The following GPAM variants were observed in gnomAD, a reference collection of about 807,000 sequenced individuals.
The protein encoded by GPAM is glycerol-3-phosphate acyltransferase, mitochondrial.
GPAM carries 56 observed loss-of-function variants against 105.0 expected under a neutral mutation model. That is an observed-to-expected ratio of 0.53 (90% CI 0.43 to 0.67). GPAM has a LOEUF of 0.67. Among genes scored for constraint, GPAM ranks in the 30% least tolerant of loss-of-function variants. GPAM has a pLI of 0.00. For missense variants in GPAM, 855 were observed against 989.8 expected, an observed-to-expected ratio of 0.86 and a Z score of 1.83; for synonymous variants, 368 against 354.4, an observed-to-expected ratio of 1.04 and a Z score of -0.43.
chr10:112,190,382 G>T (rs1053689798), intron 1 of GPAM, among the ~76,000 whole-genome samples: 7 of 151,824 alleles, frequency 4.6e-5, no homozygotes, highest in African/African-American at 1.7e-4. Context: ...GCGTGTGCCT[G>T]TAATACCAGC....
chr10:112,208,839 C>T (rs538151735), intron 1 of GPAM, among the ~76,000 whole-genome samples: 2 of 152,304 alleles, frequency 1.3e-5, no homozygotes, highest in East Asian at 1.9e-4. Flanking sequence ...GAAGGATAGA[C>T]TCTCAAAACG....
At chr10:112,181,130 T>G (rs1847499637) in intron 3 of GPAM, among the ~76,000 whole-genome samples, 1 of 151,930 alleles carries the variant, frequency 6.6e-6, no homozygotes, top group Non-Finnish European at 1.5e-5. Flanking sequence ...ATGCTTAACT[T>G]TGAGCTCAGT....
intron 5 of GPAM, 53 bp from the exon 6 acceptor site, chr10:112,175,766 C>T: frequency 1.8e-6 from 2 of 1,106,210 alleles, no homozygotes; most frequent in East Asian, 2.4e-5. Flanking sequence ...AAACAAGTTG[C>T]TTAAATCATA....
Position 112,150,579 on chromosome 10 carries a change from C to T in GPAM, c.*2971G>A, listed in dbSNP as rs1846897870. 1 of 980,166 alleles carries T rather than the reference C, an allele frequency of 1.0e-6. No homozygotes were observed. The highest frequency in any genetic ancestry group is 1.2e-6 in the Non-Finnish European group (1 of 824,928). The allele number at this position is 980,166 out of a possible 1,614,324, so 60.7% of individuals were successfully genotyped here. On this transcript the variant is annotated 3_prime_UTR_variant, in exon 22 of 22. Coordinates refer to ENST00000348367, the MANE Select transcript of GPAM (RefSeq NM_001244949.2). ...TAAAGAACTATCTAACATAGTGTTT[C>T]CCAAAATGTTCTCCACAGGACATTA...
chr10:112,214,120 G>A (rs1847943344), intron 1 of GPAM, among the ~76,000 whole-genome samples: 1 of 152,144 alleles, frequency 6.6e-6, no homozygotes, highest in African/African-American at 2.4e-5. Flanking sequence ...CCTGTGGGGG[G>A]ATCCACAGAC....
intron 1 of GPAM, among the ~76,000 whole-genome samples, chr10:112,183,453 C>T (rs1159096969): frequency 6.6e-6 from 1 of 152,234 alleles, no homozygotes; most frequent in African/African-American, 2.4e-5. Context: ...ATAAGGACTC[C>T]TTCCAACCCA....
In GPAM at chr10:112,163,735, C is replaced by T. The variant is rs112254757; in HGVS notation, c.1389G>A (p.Arg463=). 3 of 1,589,666 alleles carry T rather than the reference C, an allele frequency of 1.9e-6. No homozygotes were observed. The highest frequency in any genetic ancestry group is 8.6e-7 in the Non-Finnish European group (1 of 1,157,730). The change falls in exon 14 of 22, where the codon AGG becomes AGA. Residue 463 remains arginine (R), a synonymous_variant. Transcript: ENST00000348367. Reference sequence around the variant, plus strand: ...TATGCTCAGCCAGATTTGCAATCAACCTCCTTCGTAGGGATTCATCTGTTG... The same window carrying T: ...TATGCTCAGCCAGATTTGCAATCAATCTCCTTCGTAGGGATTCATCTGTTG... ...RNATDESLRR[R]LIANLAEHIL... is the part of the protein sequence containing the mutation.
chr10:112,181,917 A>C (rs962766575), intron 2 of GPAM, 104 bp from the exon 3 acceptor site: 4 of 668,202 alleles, frequency 6.0e-6, no homozygotes, highest in African/African-American at 5.3e-5. Flanking sequence ...ATGGGATATC[A>C]CATGAACTGA....
At position 112,151,046 on chromosome 10, in the gene GPAM, C is replaced by G; in HGVS notation, c.*2504G>C. Reference sequence around the variant, plus strand: ...TTTCAGAGTGCACAACTTCCCTCCTCTCTTCTGAATCACTTAGGACATTCT... The same window carrying G: ...TTTCAGAGTGCACAACTTCCCTCCTGTCTTCTGAATCACTTAGGACATTCT... On this transcript the variant is annotated 3_prime_UTR_variant, in exon 22 of 22. Transcript: ENST00000348367. 1.0e-6 allele frequency: 1 copy of G among 985,576 alleles called. No individual in the cohort carries two copies. Among genetic ancestry groups the G allele is most frequent in the Non-Finnish European group, 1.2e-6 (1 of 829,746 alleles). 61.1% of individuals were successfully genotyped at this position (985,576 alleles called of 1,614,324 possible).
chr10:112,159,556 T>C (rs1354186519), intron 17 of GPAM, among the ~76,000 whole-genome samples: 1 of 152,176 alleles, frequency 6.6e-6, no homozygotes, highest in Admixed American at 6.5e-5. Context: ...TTCTGACTCT[T>C]ACCATCTGTG....
At chr10:112,158,059 T>A (rs1847048714) in intron 18 of GPAM, among the ~76,000 whole-genome samples, 1 of 152,320 alleles carries the variant, frequency 6.6e-6, no homozygotes, top group Admixed American at 6.5e-5. Context: ...GCCTCCCAAG[T>A]AGCTGGGATT....
chr10:112,194,383 C>T (rs1847698672), intron 1 of GPAM, among the ~76,000 whole-genome samples: 1 of 152,216 alleles, frequency 6.6e-6, no homozygotes, highest in Non-Finnish European at 1.5e-5. Flanking sequence ...ACAGGCTACA[C>T]TATATAACAT....
chr10:112,194,706 G>A (rs2133286666), intron 1 of GPAM, among the ~76,000 whole-genome samples: 1 of 152,236 alleles, frequency 6.6e-6, no homozygotes, highest in South Asian at 2.1e-4. Flanking sequence ...ATGGCTTGCT[G>A]AGCAAGTCCC....
chr10:112,173,045 T>C lies in GPAM; in HGVS notation c.582A>G (p.Leu194=). The C allele has an allele frequency of 6.2e-7, 1 of 1,604,046 alleles. No individual in the cohort carries two copies. Among genetic ancestry groups the C allele is most frequent in the Non-Finnish European group, 8.5e-7 (1 of 1,170,870 alleles). Reference sequence around the variant, plus strand: ...TCCAAAAGAAGCTGTTGAACAGTTTTAGCAGCACCCACCCAGTCAGTCTGA... The same window carrying C: ...TCCAAAAGAAGCTGTTGAACAGTTTCAGCAGCACCCACCCAGTCAGTCTGA... The part of the protein sequence containing the change: ...AMIRLTGWVL[L]KLFNSFFWNI... Residue 194 remains leucine (L), a synonymous_variant, in exon 8 of 22, where the codon CTA becomes CTG. Transcript: ENST00000348367.
chr10:112,163,299 A>G (rs1292710094), intron 14 of GPAM, among the ~76,000 whole-genome samples: 1 of 152,230 alleles, frequency 6.6e-6, no homozygotes, highest in African/African-American at 2.4e-5. Flanking sequence ...AGCTTTATAC[A>G]AGGCCACTCA....
intron 1 of GPAM, among the ~76,000 whole-genome samples, chr10:112,206,820 A>T (rs1373418276): frequency 1.5e-5 from 2 of 134,754 alleles, no homozygotes; most frequent in South Asian, 2.2e-4. Context: ...AAAGTATAAT[A>T]AAAAAAAAAA....
At chr10:112,220,853 T>TACACACACACAC in the GPAM span, among the ~76,000 whole-genome samples, 115 of 145,918 alleles carry the variant, frequency 7.9e-4, no homozygotes, top group African/African-American at 2.8e-3. Flanking sequence ...AGATCTCAAA[T>TACACACACACAC]ACACACACAC....
rs1846895509 is a variant in GPAM at position 112,150,454 on chromosome 10, C to T, written c.*3096G>A. ...TATAATTTTCTGTGCTTATTTTCTG[C>T]AGGGGAGGAAATACACATCTATTCA... On this transcript the variant is annotated 3_prime_UTR_variant, in exon 22 of 22. Transcript: ENST00000348367. 2.0e-6 allele frequency: 2 copies of T among 985,534 alleles called. No individual in the cohort carries two copies. The highest frequency in any genetic ancestry group is 2.4e-6 in the Non-Finnish European group (2 of 829,752). 61.0% of individuals were successfully genotyped at this position (985,534 alleles called of 1,614,324 possible). A position where few individuals can be genotyped will look rare whatever the true frequency, so the allele number is the denominator to read the frequency against.
At chr10:112,226,174 A>C in the GPAM span, among the ~76,000 whole-genome samples, 1 of 152,154 alleles carries the variant, frequency 6.6e-6, no homozygotes, top group Non-Finnish European at 1.5e-5. Flanking sequence ...TTGGGTTTCC[A>C]ATTGCTTCCT....
Sources: allele counts gnomAD v4.1 joint callset (sites outside exome capture counted in the v4.1 genomes callset), GRCh38; gene constraint gnomAD v4.1.1; transcripts MANE v1.5; gene names NCBI Gene and HGNC (gene_info 2026-07-23, HGNC 2026-07-21).